The following NUBPL variants were observed in gnomAD, a reference collection of about 807,000 sequenced individuals.
The protein encoded by NUBPL is iron-sulfur cluster transfer protein NUBPL.
In NUBPL, 31 loss-of-function variants were observed where a neutral mutation model predicts 45.7. The observed-to-expected ratio is 0.68, with a 90% CI of 0.51 to 0.92. NUBPL has a LOEUF of 0.92. Ranked by LOEUF, NUBPL falls within the 40% of genes least tolerant of loss-of-function variation. The probability of loss-of-function intolerance (pLI) is 0.00; values close to 1 mark genes in which losing one functional copy is unlikely to be tolerated. For synonymous variants in NUBPL, 144 were observed against 140.9 expected (o/e 1.02, Z -0.15); for missense variants, 401 against 398.7 (o/e 1.01, Z -0.05).
chr14:31,594,183 C>T (rs1328060244), intron 3 of NUBPL, among the ~76,000 whole-genome samples: 3 of 151,962 alleles, frequency 2.0e-5, no homozygotes, highest in Non-Finnish European at 2.9e-5. Context: ...TTTGGGAGGT[C>T]GAGGCAGGAG....
At position 31,679,043 on chromosome 14, in the gene NUBPL, G is replaced by T. The variant is rs530449609; in HGVS notation, c.513+5469G>T. ...TGTGTGCAGGCATCAGGTAGGTGCA[G>T]CCTGGTTCTGCTTTTTGCTATGATG... On this transcript the variant is annotated intron_variant, in intron 6 of 10. Transcript: ENST00000281081. Among the ~76,000 whole-genome samples, 20 of 152,340 alleles carry T rather than the reference G, an allele frequency of 1.3e-4. 1 individual carries two copies. The South Asian group carries it at 4.1e-3, about 32-fold the overall frequency.
chr14:31,561,621 T>C, intron 1 of NUBPL, 74 bp downstream of exon 1: 1 of 1,008,406 alleles, frequency 9.9e-7, no homozygotes, highest in South Asian at 2.7e-5. Flanking sequence ...GCCCTGGCAT[T>C]GCTTCTTGCC....
intron 10 of NUBPL, among the ~76,000 whole-genome samples, chr14:31,854,382 G>A (rs563499824): frequency 3.3e-5 from 5 of 152,334 alleles, no homozygotes; most frequent in Admixed American, 1.3e-4. Context: ...TGATATGTGT[G>A]TGTGTTACTT....
intron 8 of NUBPL, among the ~76,000 whole-genome samples, chr14:31,833,963 A>G (rs2040233380): frequency 6.6e-6 from 1 of 152,212 alleles, no homozygotes; most frequent in African/African-American, 2.4e-5. Context: ...CTAGCAGTCT[A>G]TACCACATTT....
rs574017652 is a variant in NUBPL at position 31,810,680 on chromosome 14, T to A, written c.608-15949T>A. 5.3e-5 allele frequency among the ~76,000 whole-genome samples: 8 copies of A among 152,346 alleles called. No homozygotes were observed. The East Asian group carries it at 1.5e-3, about 29-fold the overall frequency. ...TCATTATGATGTTAGCTGATTATTT[T>A]GTCCATTAGTTGATGCAGTTTCTTC... On this transcript the variant is annotated intron_variant, in intron 7 of 10. Transcript: ENST00000281081.
intron 6 of NUBPL, among the ~76,000 whole-genome samples, chr14:31,752,124 A>T (rs936058044): frequency 3.3e-5 from 5 of 152,206 alleles, no homozygotes; most frequent in Admixed American, 6.5e-5. Context: ...AACGCCCTGG[A>T]GACATTCTCC....
chr14:31,821,325 T>A (rs1016900070), intron 7 of NUBPL, among the ~76,000 whole-genome samples: 1 of 152,130 alleles, frequency 6.6e-6, no homozygotes, highest in Non-Finnish European at 1.5e-5. Flanking sequence ...TATAAGGAGC[T>A]GCAACAACTC....
At chr14:31,768,054 C>T (rs981230303) in intron 6 of NUBPL, among the ~76,000 whole-genome samples, 1 of 152,128 alleles carries the variant, frequency 6.6e-6, no homozygotes. Flanking sequence ...TTATTTCTAC[C>T]TTTTAGACTA....
At chr14:31,750,444 G>A (rs994483164) in intron 6 of NUBPL, among the ~76,000 whole-genome samples, 22 of 149,980 alleles carry the variant, frequency 1.5e-4, no homozygotes, top group East Asian at 1.9e-4. Context: ...TGATCCTCCC[G>A]CCTCGGCCTC....
intron 6 of NUBPL, among the ~76,000 whole-genome samples, chr14:31,741,975 A>G (rs564717739): frequency 6.6e-6 from 1 of 152,140 alleles, no homozygotes; most frequent in East Asian, 1.9e-4. Context: ...TAAATATCCC[A>G]TATCTTTATA....
chr14:31,847,911 T>G (rs1048980474), intron 9 of NUBPL, among the ~76,000 whole-genome samples: 3 of 152,202 alleles, frequency 2.0e-5, no homozygotes, highest in African/African-American at 7.2e-5. Flanking sequence ...TTTCCAAATC[T>G]GCATAATAAC....
intron 3 of NUBPL, among the ~76,000 whole-genome samples, chr14:31,585,063 A>C (rs1290288104): frequency 1.3e-5 from 2 of 152,180 alleles, no homozygotes; most frequent in Non-Finnish European, 2.9e-5. Context: ...CCACAACAGG[A>C]GTCATACAAT....
At chr14:31,807,106 G>A (rs988598487) in intron 7 of NUBPL, among the ~76,000 whole-genome samples, 10 of 152,184 alleles carry the variant, frequency 6.6e-5, no homozygotes, top group Non-Finnish European at 1.0e-4. Flanking sequence ...CTTTATAGCA[G>A]CATGCTTTAT....
intron 6 of NUBPL, among the ~76,000 whole-genome samples, chr14:31,779,805 A>G (rs2039159987): frequency 6.6e-6 from 1 of 152,196 alleles, no homozygotes; most frequent in Non-Finnish European, 1.5e-5. Flanking sequence ...TTTTCTCTCC[A>G]CAGTGATCAT....
intron 3 of NUBPL, among the ~76,000 whole-genome samples, chr14:31,567,894 C>T (rs140955024): frequency 2.0e-4 from 31 of 152,220 alleles, no homozygotes; most frequent in Non-Finnish European, 4.0e-4. Context: ...ACCCTCTAGG[C>T]GATTTTGATG....
intron 7 of NUBPL, among the ~76,000 whole-genome samples, chr14:31,822,983 A>G (rs2138954658): frequency 6.6e-6 from 1 of 152,244 alleles, no homozygotes; most frequent in Middle Eastern, 3.4e-3. Flanking sequence ...ATGTCCCTGA[A>G]CATTTTAATA....
intron 6 of NUBPL, among the ~76,000 whole-genome samples, chr14:31,760,421 T>C (rs1307423798): frequency 6.6e-6 from 1 of 151,946 alleles, no homozygotes. Context: ...CCAAAGTGTT[T>C]GGATTATAGG....
intron 6 of NUBPL, among the ~76,000 whole-genome samples, chr14:31,742,237 TACACACACACACACACACACACACAC>T (rs3035713): frequency 7.1e-6 from 1 of 141,382 alleles, no homozygotes; most frequent in Non-Finnish European, 1.5e-5. Context: ...AACTATTGTG[TACACACACACACACACACACACACAC>T]ACACACACAC....
chr14:31,744,827 G>T (rs1216421184), intron 6 of NUBPL, among the ~76,000 whole-genome samples: 1 of 151,408 alleles, frequency 6.6e-6, no homozygotes, highest in Non-Finnish European at 1.5e-5. Context: ...TCACCATGTT[G>T]GTCAGGCTGG....
Sources: allele counts gnomAD v4.1 joint callset (sites outside exome capture counted in the v4.1 genomes callset), GRCh38; gene constraint gnomAD v4.1.1; transcripts MANE v1.5; gene names NCBI Gene and HGNC (gene_info 2026-07-23, HGNC 2026-07-21).